ZNF469: variants seen among roughly 807,000 people sequenced by gnomAD.
ZNF469 encodes the protein zinc finger protein 469.
In ZNF469, 1 loss-of-function variant was observed where a neutral mutation model predicts 1.0. That is an observed-to-expected ratio of 1.00 (90% CI 0.35 to 4.73). The LOEUF (loss-of-function observed/expected upper bound fraction) is 4.73. ZNF469 is among the 30% of genes most tolerant of loss of function. The pLI, the probability that ZNF469 is intolerant of heterozygous loss-of-function variation, is 0.16. For synonymous variants in ZNF469, 2,703 were observed against 2,363.4 expected, an observed-to-expected ratio of 1.14 and a Z score of -4.17; for missense variants, 6,100 against 5,356.3, an observed-to-expected ratio of 1.14 and a Z score of -4.33.
chr16:88,384,959 C>G (rs762215310), intron 1 of ZNF469, among the ~76,000 whole-genome samples: 3 of 152,190 alleles, frequency 2.0e-5, no homozygotes, highest in Admixed American at 6.5e-5. Context: ...CTGGAATGCA[C>G]TGGTCCATCA....
At chr16:88,377,014 C>T in the ZNF469 span, among the ~76,000 whole-genome samples, 2 of 152,260 alleles carry the variant, frequency 1.3e-5, no homozygotes, top group East Asian at 1.9e-4. Flanking sequence ...AGGCCAGGCC[C>T]CAGCGCAGGC....
the ZNF469 span, among the ~76,000 whole-genome samples, chr16:88,222,045 CT>C: frequency 6.6e-6 from 1 of 152,100 alleles, no homozygotes; most frequent in Admixed American, 6.5e-5. Flanking sequence ...TTCAACCCCC[CT>C]CATCACACTC....
At chr16:88,114,507 C>G in the ZNF469 span, among the ~76,000 whole-genome samples, 1 of 151,798 alleles carries the variant, frequency 6.6e-6, no homozygotes, top group Non-Finnish European at 1.5e-5. Context: ...ACAGGGACCA[C>G]ACTCACTGCG....
chr16:88,229,704 C>T, the ZNF469 span, among the ~76,000 whole-genome samples: 14 of 152,250 alleles, frequency 9.2e-5, no homozygotes, highest in African/African-American at 2.2e-4. Flanking sequence ...GGATGTCACA[C>T]GTGTGTGCTG....
the ZNF469 span, among the ~76,000 whole-genome samples, chr16:88,373,126 T>C: frequency 2.8e-3 from 419 of 152,354 alleles, 2 homozygotes; most frequent in African/African-American, 9.5e-3. Context: ...ATCATGACAA[T>C]GTTTGAGGTG....
rs919573922 is a variant in ZNF469, at chr16:88,434,625, C to T, written c.7155C>T (p.Thr2385=). The change falls in exon 3 of 3, where the codon ACC becomes ACT. Residue 2385 remains threonine, a synonymous_variant. Coordinates refer to ENST00000565624, the MANE Select transcript of ZNF469 (RefSeq NM_001367624.2). ...KEPEDPGTPE[T]GRSGATKMPR... is the part of the protein sequence containing the mutation. ...CGGAGGACCCAGGGACCCCTGAGAC[C>T]GGGCGCTCTGGTGCTACCAAGATGC... is the stretch of plus-strand genomic sequence containing the variant. The T allele has an allele frequency of 5.8e-6, 9 of 1,550,138 alleles. No individual in the cohort carries two copies. Among genetic ancestry groups the T allele is most frequent in the Admixed American group, 3.9e-5 (2 of 50,976 alleles).
At chr16:88,285,907 T>G in the ZNF469 span, among the ~76,000 whole-genome samples, 1 of 152,242 alleles carries the variant, frequency 6.6e-6, no homozygotes, top group Non-Finnish European at 1.5e-5. Context: ...GCTACAGATG[T>G]CTTCATCCCT....
chr16:88,349,584 TAC>T, the ZNF469 span, among the ~76,000 whole-genome samples: 2 of 130,824 alleles, frequency 1.5e-5, no homozygotes, highest in East Asian at 2.4e-4. Context: ...CCAAGCACAA[TAC>T]ACACACCACA....
the ZNF469 span, among the ~76,000 whole-genome samples, chr16:88,211,241 T>C: frequency 1.3e-5 from 2 of 152,268 alleles, no homozygotes; most frequent in African/African-American, 2.4e-5. Flanking sequence ...TTGATTCTCA[T>C]GTGTTTGTGA....
the ZNF469 span, among the ~76,000 whole-genome samples, chr16:88,355,021 C>T: frequency 3.9e-5 from 6 of 152,192 alleles, no homozygotes; most frequent in Admixed American, 1.3e-4. Flanking sequence ...ACAGCACTGT[C>T]CCACCTGATA....
rs780900228 is a variant in ZNF469 at position 88,427,673 on chromosome 16, C to T, written c.203C>T (p.Ala68Val). The T allele has an allele frequency of 6.5e-7, 1 of 1,535,278 alleles. No homozygotes were observed. Among genetic ancestry groups the T allele is most frequent in the South Asian group, 1.2e-5 (1 of 83,798 alleles). Residue 68 changes from alanine (A) to valine (V), a missense_variant, in exon 3 of 3, where the codon GCC (alanine) becomes GTC (valine). Coordinates refer to ENST00000565624, the MANE Select transcript of ZNF469 (RefSeq NM_001367624.2). ...MELPEAQPRQ[A>V]RDGELKPPSL... ...CTCCCCGAGGCCCAGCCAAGGCAGG[C>T]CAGGGACGGGGAGCTCAAGCCCCCA...
the ZNF469 span, among the ~76,000 whole-genome samples, chr16:88,261,198 G>T: frequency 6.6e-5 from 10 of 152,370 alleles, no homozygotes; most frequent in African/African-American, 2.4e-4. The surrounding 1 kb of genome is among the most constrained non-coding windows in gnomAD (Gnocchi z 6.0). Flanking sequence ...GCTGATGCGG[G>T]TGGGAGAGGA....
the ZNF469 span, among the ~76,000 whole-genome samples, chr16:88,165,779 C>T: frequency 5.9e-5 from 9 of 152,186 alleles, no homozygotes; most frequent in East Asian, 1.9e-4. Flanking sequence ...CCCGACTCCC[C>T]GCTTTCCCTG....
chr16:88,412,753 A>G (rs1399825919), intron 1 of ZNF469, among the ~76,000 whole-genome samples: 2 of 152,250 alleles, frequency 1.3e-5, no homozygotes, highest in African/African-American at 4.8e-5. Flanking sequence ...TGTGCAGCCC[A>G]GAGAGAACGC....
chr16:88,298,102 C>T, the ZNF469 span, among the ~76,000 whole-genome samples: 1 of 152,204 alleles, frequency 6.6e-6, no homozygotes, highest in Non-Finnish European at 1.5e-5. Flanking sequence ...ACCAGAATTG[C>T]AGATGTAACC....
At chr16:88,217,457 A>G in the ZNF469 span, among the ~76,000 whole-genome samples, 2 of 151,642 alleles carry the variant, frequency 1.3e-5, no homozygotes, top group South Asian at 4.2e-4. Context: ...TATTATTATT[A>G]TACTTTAAGT....
the ZNF469 span, among the ~76,000 whole-genome samples, chr16:88,104,550 C>T: frequency 1.3e-5 from 2 of 152,258 alleles, no homozygotes; most frequent in African/African-American, 4.8e-5. Context: ...GTCGTCAGCT[C>T]TGGTCCTGTC....
At chr16:88,109,187 C>G in the ZNF469 span, among the ~76,000 whole-genome samples, 2 of 152,186 alleles carry the variant, frequency 1.3e-5, no homozygotes, top group Non-Finnish European at 2.9e-5. Context: ...AAGACTGGTC[C>G]TCATGTTTCC....
At chr16:88,195,133 C>A in the ZNF469 span, 1 of 152,190 alleles carries the variant, frequency 6.6e-6, no homozygotes, top group African/African-American at 2.4e-5. Flanking sequence ...TGGTCGCAAG[C>A]CGCCTGTTCT....
Sources: allele counts gnomAD v4.1 joint callset (sites outside exome capture counted in the v4.1 genomes callset), GRCh38; gene constraint gnomAD v4.1.1; non-coding constraint Gnocchi (gnomAD v3.1); transcripts MANE v1.5; gene names NCBI Gene and HGNC (gene_info 2026-07-23, HGNC 2026-07-21).